MBD5: variants seen among roughly 807,000 people sequenced by gnomAD.
MBD5 encodes methyl-CpG-binding domain protein 5.
MBD5 carries 13 observed loss-of-function variants against 117.3 expected under a neutral mutation model. The observed-to-expected ratio is 0.11, with a 90% CI of 0.07 to 0.18. The LOEUF (loss-of-function observed/expected upper bound fraction) is 0.18. Ranked by LOEUF, MBD5 falls within the 10% of genes least tolerant of loss-of-function variation. MBD5 has a pLI of 1.00. For synonymous variants in MBD5, 727 were observed against 766.4 expected, an observed-to-expected ratio of 0.95 and a Z score of 0.85; for missense variants, 1,879 against 2,093.8, an observed-to-expected ratio of 0.90 and a Z score of 2.00.
chr2:148,444,079 T>C (rs1330397684), intron 4 of MBD5, among the ~76,000 whole-genome samples: 1 of 150,666 alleles, frequency 6.6e-6, no homozygotes, highest in African/African-American at 2.5e-5. Context: ...AATGAGCTAA[T>C]TTGTGTATAC....
intron 1 of MBD5, among the ~76,000 whole-genome samples, chr2:148,109,575 A>G (rs1696460394): frequency 6.6e-6 from 1 of 152,164 alleles, no homozygotes; most frequent in African/African-American, 2.4e-5. Flanking sequence ...AAATATACAA[A>G]TGATCAAAAA....
chr2:148,202,245 TA>T (rs1307382118), intron 2 of MBD5, among the ~76,000 whole-genome samples: 2 of 151,982 alleles, frequency 1.3e-5, no homozygotes, highest in Non-Finnish European at 2.9e-5. Flanking sequence ...AAGAGAAAAA[TA>T]AAGCATGGTA....
chr2:148,086,063 G>A (rs1158894456), intron 1 of MBD5, among the ~76,000 whole-genome samples: 1 of 152,044 alleles, frequency 6.6e-6, no homozygotes, highest in Admixed American at 6.6e-5. Flanking sequence ...AGATGCTGAT[G>A]CGTGTGATTC....
intron 4 of MBD5, among the ~76,000 whole-genome samples, chr2:148,427,344 C>T (rs1340642844): frequency 1.3e-5 from 2 of 152,196 alleles, no homozygotes; most frequent in Non-Finnish European, 2.9e-5. Context: ...TATAAAGACA[C>T]ATGCACACGT....
intron 1 of MBD5, among the ~76,000 whole-genome samples, chr2:148,037,663 C>T (rs567688050): frequency 5.5e-4 from 84 of 151,944 alleles, no homozygotes; most frequent in African/African-American, 2.0e-3. Flanking sequence ...GCAGTGTATT[C>T]GCATTATAAA....
intron 1 of MBD5, among the ~76,000 whole-genome samples, chr2:148,045,842 AT>A (rs1428731567): frequency 6.6e-6 from 1 of 152,140 alleles, no homozygotes; most frequent in East Asian, 1.9e-4. Context: ...CAATCTAGAA[AT>A]TTTGAAAACT....
intron 1 of MBD5, among the ~76,000 whole-genome samples, chr2:148,073,922 A>G (rs1487789637): frequency 1.3e-5 from 2 of 152,186 alleles, no homozygotes; most frequent in Non-Finnish European, 2.9e-5. Context: ...AAAACAGCAT[A>G]TCATGTATAG....
At chr2:148,218,953 A>G (rs1699619463) in intron 2 of MBD5, among the ~76,000 whole-genome samples, 1 of 152,176 alleles carries the variant, frequency 6.6e-6, no homozygotes, top group Admixed American at 6.5e-5. Flanking sequence ...GCTACACTAA[A>G]TTTATTTTAA....
At chr2:148,287,259 A>T (rs1160927419) in intron 3 of MBD5, among the ~76,000 whole-genome samples, 1 of 152,198 alleles carries the variant, frequency 6.6e-6, no homozygotes, top group Non-Finnish European at 1.5e-5. Context: ...ATCTTTCCCA[A>T]TATTGACTTT....
chr2:148,424,414 G>C (rs1437790317), intron 4 of MBD5, among the ~76,000 whole-genome samples: 1 of 151,544 alleles, frequency 6.6e-6, no homozygotes, highest in African/African-American at 2.4e-5. Context: ...AAGAGACTTA[G>C]ACTCCCACAC....
At chr2:148,070,740 G>A (rs1020129567) in intron 1 of MBD5, 1 of 151,920 alleles carries the variant, frequency 6.6e-6, no homozygotes, top group Non-Finnish European at 1.5e-5. Flanking sequence ...TGAAAATGCA[G>A]AAATAACATT....
At chr2:148,306,014 C>T (rs1701882143) in intron 3 of MBD5, among the ~76,000 whole-genome samples, 1 of 152,096 alleles carries the variant, frequency 6.6e-6, no homozygotes, top group Non-Finnish European at 1.5e-5. Context: ...ATAAGCATGG[C>T]AAGAATGGTA....
rs1008765868 is a variant in MBD5, at chr2:148,513,840, G to T, written c.*899G>T. 1.3e-5 allele frequency: 2 copies of T among 152,130 alleles called. No homozygotes were observed. Among genetic ancestry groups the T allele is most frequent in the African/African-American group, 2.4e-5 (1 of 41,410 alleles). The allele number at this position is 152,130 out of a possible 1,614,324, so 9.4% of individuals were successfully genotyped here. A position where few individuals can be genotyped will look rare whatever the true frequency, so the allele number is the denominator to read the frequency against. ...CCTGTTGAAGCAGATAGCTTATACT[G>T]ACTGCACCACCGCTGGTGCTCAGAA... On this transcript the variant is annotated 3_prime_UTR_variant, in exon 14 of 14. Transcript: ENST00000642680.
chr2:148,294,514 T>TGTTTTTTTTTTTTTTTG (rs796734529), intron 3 of MBD5, among the ~76,000 whole-genome samples: 1 of 138,688 alleles, frequency 7.2e-6, no homozygotes, highest in Non-Finnish European at 1.6e-5. Flanking sequence ...TTTTTTTTTT[T>TGTTTTTTTTTTTTTTTG]TTTTTTTGAG....
intron 3 of MBD5, among the ~76,000 whole-genome samples, chr2:148,238,958 A>G (rs1469857179): frequency 6.6e-6 from 1 of 151,926 alleles, no homozygotes; most frequent in Non-Finnish European, 1.5e-5. Context: ...GGACTTGAAC[A>G]TATTTTTGGA....
At chr2:148,356,210 A>G (rs1444451471) in intron 4 of MBD5, among the ~76,000 whole-genome samples, 1 of 152,138 alleles carries the variant, frequency 6.6e-6, no homozygotes, top group African/African-American at 2.4e-5. Context: ...TCTACCTGCA[A>G]CATAAATTCA....
At chr2:148,056,578 C>G (rs146214618) in intron 1 of MBD5, among the ~76,000 whole-genome samples, 1 of 151,994 alleles carries the variant, frequency 6.6e-6, no homozygotes, top group Non-Finnish European at 1.5e-5. Context: ...AGTTTTTTCT[C>G]TTTTAATCTG....
intron 3 of MBD5, among the ~76,000 whole-genome samples, chr2:148,240,750 T>C (rs1451272586): frequency 1.3e-5 from 2 of 152,216 alleles, no homozygotes; most frequent in African/African-American, 4.8e-5. Context: ...TTTCTGTTTC[T>C]TCAGGTTCAC....
intron 3 of MBD5, among the ~76,000 whole-genome samples, chr2:148,271,318 T>C (rs1182816654): frequency 6.6e-6 from 1 of 152,206 alleles, no homozygotes; most frequent in African/African-American, 2.4e-5. Context: ...TCTGTGGACA[T>C]TTGAAGAGAA....
Sources: gnomAD v4.1 joint callset for allele counts (sites outside exome capture counted in the v4.1 genomes callset) on GRCh38, gnomAD v4.1.1 for gene constraint, MANE v1.5 for transcripts, NCBI Gene and HGNC (gene_info 2026-07-23, HGNC 2026-07-21) for gene names.